DDX10: variants seen among roughly 807,000 people sequenced by gnomAD.
DDX10 encodes the protein DEAD-box helicase 10.
Under a neutral mutation model 104.3 loss-of-function variants are expected in DDX10, and 74 were observed. The ratio of observed to expected loss-of-function variants is 0.71; its 90% CI spans 0.59 to 0.86. The LOEUF (loss-of-function observed/expected upper bound fraction) is 0.86, where lower values mean the gene tolerates loss of function less well. Among genes scored for constraint, DDX10 ranks in the 40% least tolerant of loss-of-function variants. DDX10 has a pLI of 0.00. For missense variants in DDX10, 952 were observed against 1,040.0 expected, an observed-to-expected ratio of 0.92 and a Z score of 1.16; for synonymous variants, 351 against 353.4, an observed-to-expected ratio of 0.99 and a Z score of 0.08.
Position 108,831,424 on chromosome 11 carries a change from A to G in DDX10, c.1966-7022A>G, listed in dbSNP as rs549319804. 9.7e-3 allele frequency among the ~76,000 whole-genome samples: 1,438 copies of G among 148,380 alleles called. 8 individuals are homozygous for G. The highest frequency in any genetic ancestry group is 0.034 in the African/African-American group (1,377 of 40,618). On this transcript the variant is annotated intron_variant, in intron 13 of 17. Coordinates refer to ENST00000322536, the MANE Select transcript of DDX10 (RefSeq NM_004398.4). The stretch of plus-strand genomic sequence containing the variant: ...TGGTGACAGAGCGAGACTGTCTCAA[A>G]AAAAAAAAAAAAAAAAAAAAAGAAA...
chr11:108,838,343 A>T (rs933012065), intron 13 of DDX10, 103 bp from the exon 14 acceptor site: 20 of 1,251,878 alleles, frequency 1.6e-5, no homozygotes, highest in Middle Eastern at 2.9e-4. Flanking sequence ...GCCAATGAGT[A>T]ATAAATGTAC....
At chr11:108,676,233 A>G (rs1430795966) in intron 3 of DDX10, among the ~76,000 whole-genome samples, 1 of 152,122 alleles carries the variant, frequency 6.6e-6, no homozygotes, top group Non-Finnish European at 1.5e-5. Context: ...TTAGGCTTTC[A>G]CTTCCATCTC....
intron 17 of DDX10, chr11:108,919,636 C>T (rs1451810167): frequency 2.0e-5 from 3 of 152,218 alleles, no homozygotes; most frequent in Non-Finnish European, 4.4e-5. Flanking sequence ...TTAATTGGTT[C>T]TTGCATTTCT....
chr11:108,744,391 C>T (rs186429366), intron 13 of DDX10, among the ~76,000 whole-genome samples: 6 of 152,254 alleles, frequency 3.9e-5, no homozygotes, highest in Non-Finnish European at 5.9e-5. Flanking sequence ...TATTCATAGT[C>T]TGTTGAGATC....
chr11:108,861,351 G>A (rs949678160), intron 16 of DDX10, among the ~76,000 whole-genome samples: 9 of 152,030 alleles, frequency 5.9e-5, no homozygotes, highest in East Asian at 1.9e-4. Flanking sequence ...CATTCTTGGC[G>A]TTTGGACGGG....
chr11:108,814,223 T>C lies in DDX10; in HGVS notation c.1966-24223T>C, dbSNP rs542854547. Among the ~76,000 whole-genome samples, 45 of 152,334 alleles carry C rather than the reference T, an allele frequency of 3.0e-4. No individual in the cohort carries two copies. The South Asian group carries it at 9.1e-3, about 31-fold the overall frequency. On this transcript the variant is annotated intron_variant, in intron 13 of 17. Transcript: ENST00000322536. ...GGCTAAGAGATGGTAGGTCTTTGTA[T>C]TGTAAATGAAACATGGCCTTGTCTA...
At chr11:108,772,151 G>A (rs1427622993) in intron 13 of DDX10, among the ~76,000 whole-genome samples, 3 of 152,216 alleles carry the variant, frequency 2.0e-5, no homozygotes, top group Admixed American at 1.3e-4. Flanking sequence ...TAGTTGTCAC[G>A]TGGTCACACA....
chr11:108,832,829 A>G (rs1862490848), intron 13 of DDX10, among the ~76,000 whole-genome samples: 1 of 152,244 alleles, frequency 6.6e-6, no homozygotes, highest in Non-Finnish European at 1.5e-5. Flanking sequence ...ATGTGTATGA[A>G]TAGATATAAT....
chr11:108,898,629 A>G (rs1007337755), intron 16 of DDX10, among the ~76,000 whole-genome samples: 5 of 151,722 alleles, frequency 3.3e-5, no homozygotes, highest in African/African-American at 1.2e-4. Flanking sequence ...AGTCATACCA[A>G]TAATTTTCTC....
At chr11:108,906,538 A>C (rs1052034130) in intron 16 of DDX10, among the ~76,000 whole-genome samples, 13 of 152,332 alleles carry the variant, frequency 8.5e-5, no homozygotes, top group African/African-American at 3.1e-4. Context: ...AAGCTTCCTG[A>C]GTTCATGGCC....
intron 16 of DDX10, among the ~76,000 whole-genome samples, chr11:108,916,258 G>A (rs891582621): frequency 3.3e-5 from 5 of 152,058 alleles, no homozygotes; most frequent in African/African-American, 1.2e-4. Flanking sequence ...TGTAGCTCAG[G>A]AAATTAGAAT....
At chr11:108,798,153 C>T (rs1861971674) in intron 13 of DDX10, among the ~76,000 whole-genome samples, 1 of 152,148 alleles carries the variant, frequency 6.6e-6, no homozygotes, top group South Asian at 2.1e-4. Context: ...ACGTTCAATA[C>T]TTACAGAAGA....
intron 9 of DDX10, among the ~76,000 whole-genome samples, chr11:108,703,612 GCCA>G (rs2094271678): frequency 6.6e-6 from 1 of 152,178 alleles, no homozygotes; most frequent in South Asian, 2.1e-4. Context: ...ACAGGCCTGA[GCCA>G]CCGCGCTTGG....
At chr11:108,756,835 G>A (rs1025030771) in intron 13 of DDX10, among the ~76,000 whole-genome samples, 2 of 152,010 alleles carry the variant, frequency 1.3e-5, no homozygotes, top group African/African-American at 2.4e-5. Context: ...CAGTTCTTAC[G>A]TTTTAGTAAA....
intron 13 of DDX10, among the ~76,000 whole-genome samples, chr11:108,745,072 C>CTT (rs1390496612): frequency 9.4e-6 from 1 of 106,404 alleles, no homozygotes; most frequent in East Asian, 3.4e-4. Flanking sequence ...TCCCCCTTCC[C>CTT]CCTTCCCTTC....
At chr11:108,809,440 G>A (rs1008022443) in intron 13 of DDX10, among the ~76,000 whole-genome samples, 3 of 152,296 alleles carry the variant, frequency 2.0e-5, no homozygotes, top group Admixed American at 6.5e-5. Flanking sequence ...AAGCTGCTCT[G>A]TAAAGCGTTT....
chr11:108,697,129 G>A (rs913364289), intron 9 of DDX10, among the ~76,000 whole-genome samples: 1 of 151,864 alleles, frequency 6.6e-6, no homozygotes, highest in Non-Finnish European at 1.5e-5. Context: ...AACTTTTAAA[G>A]CACAAGCCTG....
At chr11:108,843,992 C>T (rs1862678233) in intron 15 of DDX10, among the ~76,000 whole-genome samples, 2 of 152,132 alleles carry the variant, frequency 1.3e-5, no homozygotes, top group Non-Finnish European at 2.9e-5. Context: ...ATTTTCTTTG[C>T]ATCATTATTA....
intron 16 of DDX10, among the ~76,000 whole-genome samples, chr11:108,906,163 CT>C (rs1178701989): frequency 6.6e-6 from 1 of 152,140 alleles, no homozygotes; most frequent in Non-Finnish European, 1.5e-5. Flanking sequence ...CCATGTAGTA[CT>C]TTTATTTACC....
Sources: gnomAD v4.1 joint callset for allele counts (sites outside exome capture counted in the v4.1 genomes callset) on GRCh38, gnomAD v4.1.1 for gene constraint, MANE v1.5 for transcripts, NCBI Gene and HGNC (gene_info 2026-07-23, HGNC 2026-07-21) for gene names.